RADIL: variants seen among roughly 807,000 people sequenced by gnomAD.
RADIL encodes Rap associating with DIL domain.
RADIL carries 99 observed loss-of-function variants against 97.6 expected under a neutral mutation model. The ratio of observed to expected loss-of-function variants is 1.01; its 90% CI spans 0.86 to 1.20. The LOEUF is 1.20. RADIL is among the 50% of genes most tolerant of loss of function. The pLI, the probability that RADIL is intolerant of heterozygous loss-of-function variation, is 0.00. For synonymous variants in RADIL, 803 were observed against 691.8 expected (o/e 1.16, Z -2.52); for missense variants, 1,765 against 1,498.9 (o/e 1.18, Z -2.93).
At chr7:4,820,647 G>A (rs1020408214) in intron 6 of RADIL, among the ~76,000 whole-genome samples, 3 of 152,192 alleles carry the variant, frequency 2.0e-5, no homozygotes, top group Non-Finnish European at 2.9e-5. Context: ...GGAAGGAACC[G>A]TGGCCGGCAG....
chr7:4,854,144 G>T lies in RADIL; in HGVS notation c.536-17539C>A, dbSNP rs922611347. 2.0e-5 allele frequency among the ~76,000 whole-genome samples: 3 copies of T among 152,150 alleles called. No individual in the cohort carries two copies. Among genetic ancestry groups the T allele is most frequent in the Non-Finnish European group, 4.4e-5 (3 of 68,036 alleles). On this transcript the variant is annotated intron_variant, in intron 2 of 14. Coordinates refer to ENST00000399583, the MANE Select transcript of RADIL (RefSeq NM_018059.5). This position sits in a 1 kb window ranked among gnomAD's most constrained non-coding sequence, Gnocchi z 5.1. ...CCCATTAACCATCCTGCACCTTGAGGTAACCCTGAAGATAGAAGGCATGAA... is the reference window on the plus strand; with the variant it reads ...CCCATTAACCATCCTGCACCTTGAGTTAACCCTGAAGATAGAAGGCATGAA...
At chr7:4,802,143 C>T (rs907860996) in intron 11 of RADIL, 148 bp from the exon 12 acceptor site, 91 of 661,624 alleles carry the variant, frequency 1.4e-4, no homozygotes, top group Non-Finnish European at 1.9e-4. Flanking sequence ...GCTTGAGACG[C>T]GCAAGAGGCA....
intron 10 of RADIL, chr7:4,805,190 C>T: frequency 4.0e-6 from 1 of 249,308 alleles, no homozygotes; most frequent in Non-Finnish European, 7.8e-6. Flanking sequence ...TGTGCGTGTG[C>T]ACATACATGG....
At chr7:4,827,853 T>C (rs1783040498) in intron 5 of RADIL, among the ~76,000 whole-genome samples, 1 of 151,998 alleles carries the variant, frequency 6.6e-6, no homozygotes, top group Non-Finnish European at 1.5e-5. Flanking sequence ...CCCCAATTCA[T>C]GTTCTGTGAA....
rs377418432 is a variant in RADIL at position 4,812,512 on chromosome 7, C to T, written c.2139+2766G>A. Reference sequence around the variant, plus strand: ...TCTCGGCTCACTGCAGCCTCTGCCCCCCAGGTTCAAGGGATTCTCCTGCCT... The same window carrying T: ...TCTCGGCTCACTGCAGCCTCTGCCCTCCAGGTTCAAGGGATTCTCCTGCCT... On this transcript the variant is annotated intron_variant, in intron 9 of 14. Transcript: ENST00000399583. 7.9e-5 allele frequency among the ~76,000 whole-genome samples: 12 copies of T among 152,258 alleles called. No homozygotes were observed. In the South Asian group the frequency reaches 2.1e-3, roughly 26 times the overall value.
rs376538057 is a variant in RADIL, at chr7:4,799,459, G to T, written c.3147C>A (p.Gly1049=). Residue 1049 remains glycine, a synonymous_variant, in exon 15 of 15, where the codon GGC becomes GGA. Transcript: ENST00000399583. ...YLRAVDLIRH[G]GKKMRFLVAK... The stretch of plus-strand genomic sequence containing the variant: ...CGACCAGGAACCGCATCTTCTTCCC[G>T]CCATGACGGATCAGGTCCACAGCTC... 1.9e-6 allele frequency: 3 copies of T among 1,613,818 alleles called. No homozygotes were observed. The highest frequency in any genetic ancestry group is 2.7e-5 in the African/African-American group (2 of 74,918).
intron 2 of RADIL, among the ~76,000 whole-genome samples, chr7:4,869,595 C>G (rs951265982): frequency 6.7e-6 from 1 of 149,168 alleles, no homozygotes; most frequent in Non-Finnish European, 1.5e-5. Context: ...TTACAAAATT[C>G]TTTCCCCAGG....
rs373705421 is a variant in RADIL at position 4,834,420 on chromosome 7, G to T, written c.1416+187C>A. Among the ~76,000 whole-genome samples the T allele has an allele frequency of 2.2e-4, 33 of 152,280 alleles. No homozygotes were observed. The highest frequency in any genetic ancestry group is 5.1e-4 in the African/African-American group (21 of 41,554). On this transcript the variant is annotated intron_variant, in intron 4 of 14. Transcript: ENST00000399583. The surrounding 1 kb of genome is among the most constrained non-coding windows in gnomAD (Gnocchi z 6.0). ...GCTGCAGCTGACACCTTGGGTTCTG[G>T]GGCTGCTTCTGGTGGCCTGTGGGGC...
intron 2 of RADIL, among the ~76,000 whole-genome samples, chr7:4,863,142 C>T (rs1784059081): frequency 6.6e-6 from 1 of 152,104 alleles, no homozygotes; most frequent in Non-Finnish European, 1.5e-5. Context: ...GCCAGATTAC[C>T]TCCAAGTCCT....
chr7:4,861,428 C>T, intron 2 of RADIL: 1 of 1,614,174 alleles, frequency 6.2e-7, no homozygotes, highest in East Asian at 2.2e-5. Context: ...GAAAAAGTCG[C>T]TTCGATCCAC....
chr7:4,835,207 C>G lies in RADIL; in HGVS notation c.816G>C (p.Arg272=). The change falls in exon 4 of 15, where the codon CGG becomes CGC. Residue 272 remains arginine (R), a synonymous_variant. Coordinates refer to ENST00000399583, the MANE Select transcript of RADIL (RefSeq NM_018059.5). This position sits in a 1 kb window ranked among gnomAD's most constrained non-coding sequence, Gnocchi z 5.8. ...DSLVYVLNRD[R]HTVGQRTPSS... is the part of the protein sequence containing the mutation. Reference sequence around the variant, plus strand: ...AGGGGGTCCGCTGGCCCACCGTGTGCCGGTCCCGGTTGAGCACATACACCA... The same window carrying G: ...AGGGGGTCCGCTGGCCCACCGTGTGGCGGTCCCGGTTGAGCACATACACCA... 6.2e-7 allele frequency: 1 copy of G among 1,611,308 alleles called. No homozygotes were observed. The highest frequency in any genetic ancestry group is 8.5e-7 in the Non-Finnish European group (1 of 1,179,784).
chr7:4,845,901 C>T (rs964690453), intron 2 of RADIL, among the ~76,000 whole-genome samples: 4 of 152,226 alleles, frequency 2.6e-5, no homozygotes, highest in Non-Finnish European at 5.9e-5. Flanking sequence ...GTGGCGTAAC[C>T]GAGAACTTCC....
Position 4,836,527 on chromosome 7 carries a change from C to T in RADIL, c.614G>A (p.Ser205Asn). 2 of 1,607,640 alleles carry T rather than the reference C, an allele frequency of 1.2e-6. No homozygotes were observed. Among genetic ancestry groups the T allele is most frequent in the Non-Finnish European group, 1.7e-6 (2 of 1,179,260 alleles). ...TPTPALGDAR[S>N]SPPPRLRRTV... ...GCGGCGCAACCGGGGTGGAGGAGAG[C>T]TCCGGGCATCCCCCAGGGCCGGGGT... Residue 205 changes from serine (S) to asparagine (N), a missense_variant, in exon 3 of 15, where the codon AGC becomes AAC. Transcript: ENST00000399583.
At chr7:4,806,032 A>C (rs1562428199) in intron 9 of RADIL, 1 of 985,378 alleles carries the variant, frequency 1.0e-6, no homozygotes, top group Non-Finnish European at 1.2e-6. Flanking sequence ...GGAAATGAAC[A>C]GTGAAATCAG....
Position 4,834,625 on chromosome 7 carries a change from C to T in RADIL, c.1398G>A (p.Leu466=), listed in dbSNP as rs1783243008. 3.7e-6 allele frequency: 5 copies of T among 1,345,088 alleles called. No individual in the cohort carries two copies. The South Asian group carries it at 7.3e-5, about 20-fold the overall frequency. 83.3% of individuals were successfully genotyped at this position (1,345,088 alleles called of 1,614,324 possible). Residue 466 remains leucine, a synonymous_variant, in exon 4 of 15, where the codon CTG becomes CTA. Transcript: ENST00000399583. This position sits in a 1 kb window ranked among gnomAD's most constrained non-coding sequence, Gnocchi z 6.0. The part of the protein sequence containing the change: ...FGQLLLKIAR[L]IRETVWEKTK... Reference sequence around the variant, plus strand: ...CACTGACCCAGACAGTCTCGCGGATCAGCCTGGCTATCTTGAGCAGGAGCT... The same window carrying T: ...CACTGACCCAGACAGTCTCGCGGATTAGCCTGGCTATCTTGAGCAGGAGCT...
intron 9 of RADIL, among the ~76,000 whole-genome samples, chr7:4,806,339 T>G (rs1423535785): frequency 6.7e-6 from 1 of 148,560 alleles, no homozygotes; most frequent in Non-Finnish European, 1.5e-5. Context: ...TTTTGTTTTT[T>G]TTTGTAGAGA....
chr7:4,809,517 G>T, intron 9 of RADIL: 1 of 985,372 alleles, frequency 1.0e-6, no homozygotes, highest in Non-Finnish European at 1.2e-6. Flanking sequence ...GAACAAGAAC[G>T]TGGGCGGCGG....
chr7:4,836,427 G>A lies in RADIL; in HGVS notation c.714C>T (p.Pro238=), dbSNP rs373368530. The A allele has an allele frequency of 8.2e-6, 13 of 1,590,454 alleles. No individual in the cohort carries two copies. Among genetic ancestry groups the A allele is most frequent in the East Asian group, 2.3e-5 (1 of 43,598 alleles). Residue 238 remains proline, a synonymous_variant, in exon 3 of 15, where the codon CCC becomes CCT. Transcript: ENST00000399583. ...AAAQGPEEPG[P]DAMRYSLYQS... ...GGTACAGCGAGTACCGCATGGCGTC[G>A]GGGCCGGGCTCCTCGGGGCCCTGGG... is the stretch of plus-strand genomic sequence containing the variant.
intron 7 of RADIL, among the ~76,000 whole-genome samples, chr7:4,816,842 C>T (rs1032451690): frequency 6.6e-6 from 1 of 152,182 alleles, no homozygotes; most frequent in Non-Finnish European, 1.5e-5. Context: ...CCGATGCACC[C>T]CAAGCTGGCC....
Sources: allele counts gnomAD v4.1 joint callset (sites outside exome capture counted in the v4.1 genomes callset), GRCh38; gene constraint gnomAD v4.1.1; non-coding constraint Gnocchi (gnomAD v3.1); transcripts MANE v1.5; gene names NCBI Gene and HGNC (gene_info 2026-07-23, HGNC 2026-07-21).